Variants in RO60 observed in about 807,000 individuals in gnomAD.
RO60 encodes Ro60, Y RNA binding protein.
RO60 carries 20 observed loss-of-function variants against 55.3 expected under a neutral mutation model. The observed-to-expected ratio is 0.36, with a 90% CI of 0.25 to 0.53. The LOEUF (loss-of-function observed/expected upper bound fraction) is 0.53. Among genes scored for constraint, RO60 ranks in the 20% least tolerant of loss-of-function variants. The pLI, the probability that RO60 is intolerant of heterozygous loss-of-function variation, is 0.92. For synonymous variants in RO60, 213 were observed against 213.6 expected (o/e 1.00, Z 0.02); for missense variants, 558 against 646.6 (o/e 0.86, Z 1.49).
Position 193,082,550 on chromosome 1 carries a change from G to A in RO60, c.1318-12G>A. Reference sequence around the variant, plus strand: ...TATTTACTTATTTATTCATGCTTTTGTTCCGAATTAGATCCCAGCAGGTGG... The same window carrying A: ...TATTTACTTATTTATTCATGCTTTTATTCCGAATTAGATCCCAGCAGGTGG... On this transcript the variant is annotated splice_polypyrimidine_tract_variant and intron_variant, in intron 7 of 8. Coordinates refer to ENST00000400968, the MANE Select transcript of RO60 (RefSeq NM_001173524.2). The A allele has an allele frequency of 1.2e-6, 2 of 1,613,258 alleles. No individual in the cohort carries two copies.
chr1:193,068,910 TG>T, intron 1 of RO60, 123 bp from the exon 2 acceptor site: 1 of 661,880 alleles, frequency 1.5e-6, no homozygotes. Context: ...GGAAAAACTA[TG>T]GAACTTAAAA....
intron 1 of RO60, among the ~76,000 whole-genome samples, chr1:193,065,852 T>C (rs375240585): frequency 1.7e-4 from 26 of 152,192 alleles, no homozygotes; most frequent in East Asian, 1.2e-3. Flanking sequence ...AGCGTCTTAT[T>C]TGGAATATTG....
At position 193,084,909 on chromosome 1, in the gene RO60, A is replaced by G; in HGVS notation, c.*178A>G. ...AAAAATAAGATGGGCCCAAAGGTCT[A>G]TCTACTAAACTAGCTCTTGGGGAAA... On this transcript the variant is annotated 3_prime_UTR_variant, in exon 9 of 9. Coordinates refer to ENST00000400968, the MANE Select transcript of RO60 (RefSeq NM_001173524.2). 3.3e-6 allele frequency: 5 copies of G among 1,495,680 alleles called. No homozygotes were observed. Among genetic ancestry groups the G allele is most frequent in the Non-Finnish European group, 4.4e-6 (5 of 1,128,952 alleles). 92.7% of individuals were successfully genotyped at this position (1,495,680 alleles called of 1,614,324 possible). A position where few individuals can be genotyped will look rare whatever the true frequency, so the allele number is the denominator to read the frequency against.
chr1:193,069,499 C>T lies in RO60; in HGVS notation c.445C>T (p.Arg149Trp), dbSNP rs1176157193. ...MKCGMWGRALRKAIADWYNEK... is the reference protein window; with the variant it reads ...MKCGMWGRALWKAIADWYNEK... ...ATGTGGCATGTGGGGTCGTGCCCTC[C>T]GGAAGGCTATAGCGGACTGGTACAA... The change falls in exon 2 of 9, where the codon CGG becomes TGG. Residue 149 changes from arginine (R) to tryptophan (W), a missense_variant. Arg to Trp is a moderately radical substitution (Grantham distance 101). Coordinates refer to ENST00000400968, the MANE Select transcript of RO60 (RefSeq NM_001173524.2). 8.1e-6 allele frequency: 13 copies of T among 1,614,050 alleles called. No individual in the cohort carries two copies. The highest frequency in any genetic ancestry group is 1.6e-4 in the Middle Eastern group (1 of 6,084).
chr1:193,068,963 C>A, intron 1 of RO60, 71 bp from the exon 2 acceptor site: 1 of 984,336 alleles, frequency 1.0e-6, no homozygotes. Flanking sequence ...TTCAGTAAAC[C>A]TACATTTTGT....
chr1:193,059,975 C>T lies in RO60; in HGVS notation c.-22+199C>T, dbSNP rs1672363637. 1 of 1,366,376 alleles carries T rather than the reference C, an allele frequency of 7.3e-7. No individual in the cohort carries two copies. The highest frequency in any genetic ancestry group is 9.8e-7 in the Non-Finnish European group (1 of 1,021,768). 84.6% of individuals were successfully genotyped at this position (1,366,376 alleles called of 1,614,324 possible). On this transcript the variant is annotated intron_variant, in intron 1 of 8. Transcript: ENST00000400968. This position sits in a 1 kb window ranked among gnomAD's most constrained non-coding sequence, Gnocchi z 4.9. ...GGAACCAGCATCGCGGTAGGGACAT[C>T]CTCGCTAGGCCCGGCCGGACCATTC...
In RO60 at chr1:193,075,963, C is replaced by G. The variant is rs1403826502; in HGVS notation, c.724C>G (p.Leu242Val). 5.6e-6 allele frequency: 9 copies of G among 1,612,904 alleles called. No homozygotes were observed. The highest frequency in any genetic ancestry group is 7.6e-6 in the Non-Finnish European group (9 of 1,179,502). The change falls in exon 3 of 9, where the codon CTA becomes GTA. Residue 242 changes from leucine to valine, a missense_variant. Leu to Val is a conservative substitution (Grantham distance 32). Transcript: ENST00000400968. ...GAAAGTGAAGCGCACAAGAGATGAG[C>G]TAGAAGTCATTCATCTAATAGAAGA... ...VEKVKRTRDE[L>V]EVIHLIEEHR...
intron 5 of RO60, among the ~76,000 whole-genome samples, chr1:193,078,202 A>G (rs1674062433): frequency 6.6e-6 from 1 of 152,250 alleles, no homozygotes; most frequent in African/African-American, 2.4e-5. Flanking sequence ...AAATTTCAAC[A>G]TTCCTTCATG....
At chr1:193,080,029 G>A (rs1392779185) in intron 5 of RO60, among the ~76,000 whole-genome samples, 1 of 151,900 alleles carries the variant, frequency 6.6e-6, no homozygotes, top group Non-Finnish European at 1.5e-5. Flanking sequence ...TACTCATGAG[G>A]TTGAGGCAGG....
Position 193,059,621 on chromosome 1 carries a change from C to T in RO60, c.-177C>T, listed in dbSNP as rs1267372728. The T allele has an allele frequency of 7.1e-7, 1 of 1,412,890 alleles. No individual in the cohort carries two copies. Among genetic ancestry groups the T allele is most frequent in the South Asian group, 1.1e-5 (1 of 87,354 alleles). The allele number at this position is 1,412,890 out of a possible 1,614,324, so 87.5% of individuals were successfully genotyped here. A position where few individuals can be genotyped will look rare whatever the true frequency, so the allele number is the denominator to read the frequency against. ...AAAGAAGAGGGGCAGGACTCGTTCC[C>T]GGGAACCGAACCTGGAATCCCCGGC... On this transcript the variant is annotated 5_prime_UTR_variant, in exon 1 of 9. Transcript: ENST00000400968. This position sits in a 1 kb window ranked among gnomAD's most constrained non-coding sequence, Gnocchi z 4.9.
intron 1 of RO60, among the ~76,000 whole-genome samples, chr1:193,062,015 A>G (rs980699845): frequency 2.0e-5 from 3 of 152,048 alleles, no homozygotes; most frequent in African/African-American, 7.2e-5. Context: ...CATGCTTTTA[A>G]TATTATAGTA....
At position 193,059,964 on chromosome 1, in the gene RO60, G is replaced by C; in HGVS notation, c.-22+188G>C. On this transcript the variant is annotated intron_variant, in intron 1 of 8. Coordinates refer to ENST00000400968, the MANE Select transcript of RO60 (RefSeq NM_001173524.2). This position sits in a 1 kb window ranked among gnomAD's most constrained non-coding sequence, Gnocchi z 4.9. ...CCCTGGGTAACGGAACCAGCATCGC[G>C]GTAGGGACATCCTCGCTAGGCCCGG... 2.2e-6 allele frequency: 3 copies of C among 1,366,454 alleles called. No individual in the cohort carries two copies. The highest frequency in any genetic ancestry group is 2.0e-6 in the Non-Finnish European group (2 of 1,021,820). The allele number at this position is 1,366,454 out of a possible 1,614,324, so 84.6% of individuals were successfully genotyped here. A position where few individuals can be genotyped will look rare whatever the true frequency, so the allele number is the denominator to read the frequency against.
rs990212236 is a variant in RO60, at chr1:193,084,904, G to A, written c.*173G>A. 2.1e-5 allele frequency: 32 copies of A among 1,490,244 alleles called. No individual in the cohort carries two copies. The highest frequency in any genetic ancestry group is 2.4e-5 in the Non-Finnish European group (27 of 1,126,520). 92.3% of individuals were successfully genotyped at this position (1,490,244 alleles called of 1,614,324 possible). A position where few individuals can be genotyped will look rare whatever the true frequency, so the allele number is the denominator to read the frequency against. On this transcript the variant is annotated 3_prime_UTR_variant, in exon 9 of 9. Transcript: ENST00000400968. ...GAAGGAAAAATAAGATGGGCCCAAA[G>A]GTCTATCTACTAAACTAGCTCTTGG...
chr1:193,075,139 T>G (rs2103051095), intron 2 of RO60, among the ~76,000 whole-genome samples: 1 of 152,320 alleles, frequency 6.6e-6, no homozygotes, highest in South Asian at 2.1e-4. Flanking sequence ...CCTGCTGTTT[T>G]ACAGAAGTGG....
At chr1:193,062,709 C>T (rs2103016094) in intron 1 of RO60, among the ~76,000 whole-genome samples, 1 of 152,308 alleles carries the variant, frequency 6.6e-6, no homozygotes, top group East Asian at 1.9e-4. Context: ...CTCTGACAAC[C>T]TTAGACTAAT....
rs1328441634 is a variant in RO60 at position 193,085,037 on chromosome 1, A to G, written c.*306A>G. 4 of 1,528,834 alleles carry G rather than the reference A, an allele frequency of 2.6e-6. No homozygotes were observed. Among genetic ancestry groups the G allele is most frequent in the Non-Finnish European group, 3.5e-6 (4 of 1,141,272 alleles). The allele number at this position is 1,528,834 out of a possible 1,614,324, so 94.7% of individuals were successfully genotyped here. ...GTTGAATAATACGTGTGTACCTAAA[A>G]GAGGTAAGAGCAAAAAGTGTAATTC... On this transcript the variant is annotated 3_prime_UTR_variant, in exon 9 of 9. Coordinates refer to ENST00000400968, the MANE Select transcript of RO60 (RefSeq NM_001173524.2).
rs1673962439 is a variant in RO60 at position 193,076,902 on chromosome 1, T to G, written c.949-11T>G. On this transcript the variant is annotated splice_polypyrimidine_tract_variant and intron_variant, in intron 4 of 8. Transcript: ENST00000400968. ...TTTTTTGCTAAAATTTTCCTTATAC[T>G]TTGTTTCTAGGCTCGTATACATCCA... 6 of 1,600,852 alleles carry G rather than the reference T, an allele frequency of 3.7e-6. No individual in the cohort carries two copies. Among genetic ancestry groups the G allele is most frequent in the Non-Finnish European group, 5.1e-6 (6 of 1,173,060 alleles).
Position 193,087,921 on chromosome 1 carries a change from A to G in RO60, c.*3190A>G, listed in dbSNP as rs141628271. On this transcript the variant is annotated 3_prime_UTR_variant, in exon 9 of 9. Coordinates refer to ENST00000400968, the MANE Select transcript of RO60 (RefSeq NM_001173524.2). ...CAGCTAAAGTATTACCCAAAAAGTC[A>G]CTATTCTCTACTGAAGAGGGAGAAA... 15 of 152,260 alleles carry G rather than the reference A, an allele frequency of 9.9e-5. No individual in the cohort carries two copies. Among genetic ancestry groups the G allele is most frequent in the African/African-American group, 3.4e-4 (14 of 41,556 alleles). 9.4% of individuals were successfully genotyped at this position (152,260 alleles called of 1,614,324 possible).
At chr1:193,079,510 C>A (rs757906413) in intron 5 of RO60, among the ~76,000 whole-genome samples, 2 of 152,158 alleles carry the variant, frequency 1.3e-5, no homozygotes, top group African/African-American at 2.4e-5. Flanking sequence ...CATTATCTTA[C>A]ACCAAATACA....
Sources: allele counts gnomAD v4.1 joint callset (sites outside exome capture counted in the v4.1 genomes callset), GRCh38; gene constraint gnomAD v4.1.1; non-coding constraint Gnocchi (gnomAD v3.1); transcripts MANE v1.5; gene names NCBI Gene and HGNC (gene_info 2026-07-23, HGNC 2026-07-21).